The following THSD7B variants were observed in gnomAD, a reference collection of about 807,000 sequenced individuals.
THSD7B encodes the protein thrombospondin type 1 domain containing 7B.
Under a neutral mutation model 213.6 loss-of-function variants are expected in THSD7B, and 138 were observed. The observed-to-expected ratio is 0.65, with a 90% CI of 0.56 to 0.74. The LOEUF is 0.74. Among genes scored for constraint, THSD7B ranks in the 30% least tolerant of loss-of-function variants. THSD7B has a pLI of 0.00. For missense variants in THSD7B, 1,931 were observed against 1,991.5 expected, an observed-to-expected ratio of 0.97 and a Z score of 0.58; for synonymous variants, 742 against 687.0, an observed-to-expected ratio of 1.08 and a Z score of -1.25.
chr2:137,015,060 G>A (rs191774602), intron 2 of THSD7B, among the ~76,000 whole-genome samples: 7 of 152,044 alleles, frequency 4.6e-5, no homozygotes, highest in Admixed American at 6.5e-5. Context: ...CCCCTGCATC[G>A]TGATACTTAT....
At chr2:137,161,930 C>G (rs1437585628) in intron 6 of THSD7B, among the ~76,000 whole-genome samples, 2 of 152,246 alleles carry the variant, frequency 1.3e-5, no homozygotes, top group East Asian at 3.9e-4. Context: ...GAGGTTGGAC[C>G]AAGGCTCCTC....
At chr2:137,381,225 G>A (rs1006065367) in intron 12 of THSD7B, among the ~76,000 whole-genome samples, 3 of 152,204 alleles carry the variant, frequency 2.0e-5, no homozygotes, top group African/African-American at 7.2e-5. Context: ...AGAAACCTGG[G>A]TGGCAGTAGA....
chr2:137,631,450 A>G (rs1347939222), intron 20 of THSD7B, among the ~76,000 whole-genome samples: 1 of 152,196 alleles, frequency 6.6e-6, no homozygotes, highest in Non-Finnish European at 1.5e-5. Flanking sequence ...AGTTTATAAT[A>G]TTTTTATATC....
intron 11 of THSD7B, 35 bp downstream of exon 11, chr2:137,272,697 T>C (rs1305118768): frequency 2.5e-6 from 4 of 1,597,302 alleles, no homozygotes; most frequent in Non-Finnish European, 3.4e-6. Context: ...TCGTTAGACC[T>C]ACTGTAAATT....
At chr2:137,187,698 G>A (rs1275480317) in intron 7 of THSD7B, among the ~76,000 whole-genome samples, 2 of 152,100 alleles carry the variant, frequency 1.3e-5, no homozygotes, top group African/African-American at 4.8e-5. Context: ...TAGCTGTGGT[G>A]AAAGAAATAT....
chr2:136,874,600 AT>A (rs1364026707), intron 1 of THSD7B, among the ~76,000 whole-genome samples: 1 of 152,234 alleles, frequency 6.6e-6, no homozygotes, highest in African/African-American at 2.4e-5. Context: ...CCTTTTAAAT[AT>A]TTAAGGGCTT....
intron 7 of THSD7B, among the ~76,000 whole-genome samples, chr2:137,207,092 T>C (rs542107995): frequency 6.6e-6 from 1 of 152,074 alleles, no homozygotes; most frequent in South Asian, 2.1e-4. Context: ...GGACTGTGTC[T>C]AAAGGAATGA....
At chr2:137,298,640 G>C (rs1167831276) in intron 12 of THSD7B, among the ~76,000 whole-genome samples, 2 of 152,158 alleles carry the variant, frequency 1.3e-5, no homozygotes, top group Admixed American at 1.3e-4. Context: ...GTGCAGCTTA[G>C]GGACTTAGTG....
chr2:137,359,290 G>C (rs1685201507), intron 12 of THSD7B, among the ~76,000 whole-genome samples: 1 of 152,232 alleles, frequency 6.6e-6, no homozygotes, highest in African/African-American at 2.4e-5. Flanking sequence ...CACATGGAGA[G>C]TGGGCCAGGA....
intron 2 of THSD7B, among the ~76,000 whole-genome samples, chr2:137,003,890 T>C (rs1686050232): frequency 6.6e-6 from 1 of 152,212 alleles, no homozygotes; most frequent in South Asian, 2.1e-4. Context: ...ACCTGACATT[T>C]ATCAGACTTT....
chr2:136,922,037 C>T (rs1422726015), intron 2 of THSD7B, among the ~76,000 whole-genome samples: 3 of 152,096 alleles, frequency 2.0e-5, no homozygotes, highest in African/African-American at 7.2e-5. Context: ...AATAAAAATC[C>T]CTAATTTTCT....
At chr2:136,927,352 T>C (rs1684555052) in intron 2 of THSD7B, among the ~76,000 whole-genome samples, 1 of 152,232 alleles carries the variant, frequency 6.6e-6, no homozygotes, top group South Asian at 2.1e-4. Context: ...CCAGGGCAGT[T>C]GTCTTTTCAT....
At chr2:137,138,241 G>A (rs1679509245) in intron 5 of THSD7B, among the ~76,000 whole-genome samples, 1 of 152,092 alleles carries the variant, frequency 6.6e-6, no homozygotes, top group African/African-American at 2.4e-5. Context: ...TTTATTTTGA[G>A]TAAGTAATTG....
intron 2 of THSD7B, among the ~76,000 whole-genome samples, chr2:137,023,472 TG>T (rs1369795189): frequency 6.6e-6 from 1 of 152,120 alleles, no homozygotes; most frequent in Non-Finnish European, 1.5e-5. Context: ...AAGCAGAGCC[TG>T]GGAAGCATAG....
intron 1 of THSD7B, among the ~76,000 whole-genome samples, chr2:136,871,154 G>A (rs1261570025): frequency 1.3e-5 from 2 of 152,168 alleles, no homozygotes; most frequent in African/African-American, 4.8e-5. Context: ...GGCTCTGTAG[G>A]GTAATCAAGC....
chr2:137,587,165 G>A (rs190950680), intron 17 of THSD7B, among the ~76,000 whole-genome samples: 73 of 152,166 alleles, frequency 4.8e-4, no homozygotes, highest in African/African-American at 1.5e-3. Context: ...CGTAGTTCTC[G>A]TGCCATGGTT....
At chr2:137,298,243 G>T (rs1683514223) in intron 12 of THSD7B, among the ~76,000 whole-genome samples, 1 of 152,142 alleles carries the variant, frequency 6.6e-6, no homozygotes, top group Non-Finnish European at 1.5e-5. Context: ...TTTTGCCTCT[G>T]CCCTAGAGAT....
chr2:136,955,936 G>A (rs902222665), intron 2 of THSD7B, among the ~76,000 whole-genome samples: 2 of 151,234 alleles, frequency 1.3e-5, no homozygotes, highest in Non-Finnish European at 2.9e-5. Context: ...AGGATTATGG[G>A]CATGAGCCAC....
intron 3 of THSD7B, among the ~76,000 whole-genome samples, chr2:137,065,361 T>C (rs1025920181): frequency 1.3e-5 from 2 of 152,136 alleles, no homozygotes; most frequent in Non-Finnish European, 2.9e-5. Context: ...GTTGATTTTG[T>C]ATCCTGTAAC....
Sources: gnomAD v4.1 joint callset for allele counts (sites outside exome capture counted in the v4.1 genomes callset) on GRCh38, gnomAD v4.1.1 for gene constraint, MANE v1.5 for transcripts, NCBI Gene and HGNC (gene_info 2026-07-23, HGNC 2026-07-21) for gene names.